Variants in ARSG observed in about 807,000 individuals in gnomAD.
ARSG encodes the protein ASG.
ARSG carries 37 observed loss-of-function variants against 50.5 expected under a neutral mutation model. The ratio of observed to expected loss-of-function variants is 0.73; its 90% CI spans 0.56 to 0.96. The LOEUF is 0.96. Among genes scored for constraint, ARSG ranks in the 50% least tolerant of loss-of-function variants. The pLI, the probability that ARSG is intolerant of heterozygous loss-of-function variation, is 0.00. For missense variants in ARSG, 629 were observed against 675.3 expected (o/e 0.93, Z 0.76); for synonymous variants, 225 against 254.6 (o/e 0.88, Z 1.11).
rs1425358305 is a variant in ARSG at position 68,347,284 on chromosome 17, A to T, written c.454+112A>T. The T allele has an allele frequency of 2.4e-6, 3 of 1,268,294 alleles. No homozygotes were observed. The East Asian group carries it at 7.1e-5, about 30-fold the overall frequency. 78.6% of individuals were successfully genotyped at this position (1,268,294 alleles called of 1,614,324 possible). On this transcript the variant is annotated intron_variant, in intron 4 of 11. Coordinates refer to ENST00000621439, the MANE Select transcript of ARSG (RefSeq NM_001267727.2). ...TCTCTGGGGGCAACCCTAAGTTAGG[A>T]CATCTTTGTTCACGAGGTCATTTGA...
At chr17:68,272,102 T>C (rs1200434506) in intron 1 of ARSG, among the ~76,000 whole-genome samples, 2 of 152,022 alleles carry the variant, frequency 1.3e-5, no homozygotes, top group Non-Finnish European at 2.9e-5. Flanking sequence ...CACCTGGCCT[T>C]TTTTTGTGTG....
rs772732100 is a variant in ARSG at position 68,343,721 on chromosome 17, A to G, written c.336A>G (p.Gly112=). Residue 112 remains glycine, a synonymous_variant, in exon 3 of 12, where the codon GGA becomes GGG. Transcript: ENST00000621439. The part of the protein sequence containing the change: ...VTRNFAVTSV[G]GLPLNETTLA... ...GCAACTTTGCAGTCACTTCTGTGGG[A>G]GGCCTTCCGCTCAACGAGACCACCT... The G allele has an allele frequency of 1.2e-6, 2 of 1,614,100 alleles. No homozygotes were observed. Among genetic ancestry groups the G allele is most frequent in the Non-Finnish European group, 1.7e-6 (2 of 1,180,012 alleles).
intron 2 of ARSG, among the ~76,000 whole-genome samples, chr17:68,341,445 G>C (rs1161550190): frequency 6.6e-6 from 1 of 152,110 alleles, no homozygotes; most frequent in Non-Finnish European, 1.5e-5. Context: ...TTAGCTTCTG[G>C]TGTATCCTTT....
chr17:68,326,287 C>T (rs2077500466), intron 2 of ARSG, among the ~76,000 whole-genome samples: 1 of 152,180 alleles, frequency 6.6e-6, no homozygotes, highest in African/African-American at 2.4e-5. Context: ...CAGGAGGGGC[C>T]AGCCCTGTGG....
chr17:68,337,268 A>G (rs1251987253), intron 2 of ARSG, among the ~76,000 whole-genome samples: 2 of 152,198 alleles, frequency 1.3e-5, no homozygotes, highest in Non-Finnish European at 2.9e-5. Flanking sequence ...TGGTCCCCAC[A>G]TGAAGTCTGA....
chr17:68,337,992 G>A (rs1156743425), intron 2 of ARSG, among the ~76,000 whole-genome samples: 1 of 152,120 alleles, frequency 6.6e-6, no homozygotes, highest in African/African-American at 2.4e-5. Flanking sequence ...TTCTGTTTCA[G>A]GCAGGTCTCC....
intron 2 of ARSG, among the ~76,000 whole-genome samples, chr17:68,329,230 G>C (rs561491375): frequency 8.5e-5 from 13 of 152,228 alleles, no homozygotes; most frequent in Non-Finnish European, 1.9e-4. Flanking sequence ...GAACCAGCTG[G>C]GGGTGTTCTA....
chr17:68,274,710 A>AT (rs1555750333), intron 1 of ARSG: 2 of 151,240 alleles, frequency 1.3e-5, no homozygotes, highest in African/African-American at 4.9e-5. Context: ...TGCTTGAATT[A>AT]TTTTTTCTCT....
At chr17:68,424,109 T>C (rs2082987629), downstream of ARSG, among the ~76,000 whole-genome samples, 1 of 152,132 alleles carries the variant, frequency 6.6e-6, no homozygotes, top group Non-Finnish European at 1.5e-5. Context: ...GTTGGGGCCA[T>C]GAGAACCCAA....
chr17:68,274,157 T>C (rs1352840619), intron 1 of ARSG: 5 of 1,410,390 alleles, frequency 3.5e-6, no homozygotes, highest in Non-Finnish European at 4.9e-6. Context: ...GTCTTGCACA[T>C]GGAGAGATGA....
At chr17:68,422,883 C>G (rs538772803), downstream of ARSG, among the ~76,000 whole-genome samples, 1 of 152,060 alleles carries the variant, frequency 6.6e-6, no homozygotes, top group South Asian at 2.1e-4. Flanking sequence ...CTCATCCTCC[C>G]GAATGTAGCA....
At chr17:68,390,686 C>T (rs752666443) in intron 9 of ARSG, among the ~76,000 whole-genome samples, 2 of 152,072 alleles carry the variant, frequency 1.3e-5, no homozygotes, top group Admixed American at 6.5e-5. Context: ...TGCAATGGCA[C>T]GATCTCAGAT....
downstream of ARSG, chr17:68,421,874 C>T (rs578117655): frequency 5.0e-6 from 8 of 1,610,590 alleles, 1 homozygote; most frequent in Admixed American, 1.2e-4. Flanking sequence ...GGCTGGTAGG[C>T]AGGTGCATTA....
chr17:68,379,968 C>T (rs539563466), intron 8 of ARSG: 50 of 731,784 alleles, frequency 6.8e-5, no homozygotes, highest in East Asian at 1.3e-4. Flanking sequence ...GACCTTTGAG[C>T]GACACGGATT....
intron 1 of ARSG, among the ~76,000 whole-genome samples, chr17:68,274,721 A>G (rs1555750338): frequency 6.6e-6 from 1 of 150,832 alleles, no homozygotes; most frequent in Admixed American, 6.6e-5. Context: ...TTTTTTCTCT[A>G]CTCACTACTT....
chr17:68,334,117 C>T (rs186341805), intron 2 of ARSG, among the ~76,000 whole-genome samples: 10 of 152,236 alleles, frequency 6.6e-5, no homozygotes, highest in African/African-American at 2.2e-4. Context: ...CATATGTTGG[C>T]GCACACACCT....
At chr17:68,419,168 CA>C (rs2147574717) in intron 11 of ARSG, among the ~76,000 whole-genome samples, 2 of 152,254 alleles carry the variant, frequency 1.3e-5, no homozygotes, top group South Asian at 4.1e-4. Flanking sequence ...TGAAATGACT[CA>C]CCTGCCTTTC....
At chr17:68,444,540 T>G in the ARSG span, 1 of 1,614,030 alleles carries the variant, frequency 6.2e-7, no homozygotes, top group Non-Finnish European at 8.5e-7. Context: ...CAGCTTCATG[T>G]CTTTAATGTT....
At chr17:68,280,835 A>G (rs1555752472) in intron 1 of ARSG, among the ~76,000 whole-genome samples, 1 of 152,180 alleles carries the variant, frequency 6.6e-6, no homozygotes, top group East Asian at 1.9e-4. Context: ...AAACATATCA[A>G]CAGAGTGAGG....
Sources: gnomAD v4.1 joint callset for allele counts (sites outside exome capture counted in the v4.1 genomes callset) on GRCh38, gnomAD v4.1.1 for gene constraint, MANE v1.5 for transcripts, NCBI Gene and HGNC (gene_info 2026-07-23, HGNC 2026-07-21) for gene names.